Variants in PTPRU observed in about 807,000 individuals in gnomAD.
PTPRU encodes the protein receptor-type tyrosine-protein phosphatase U.
A neutral mutation model predicts 166.3 loss-of-function variants in PTPRU; 69 were observed. The observed-to-expected ratio is 0.41, with a 90% CI of 0.34 to 0.51. The LOEUF (loss-of-function observed/expected upper bound fraction) is 0.51. Among genes scored for constraint, PTPRU ranks in the 20% least tolerant of loss-of-function variants. The probability of loss-of-function intolerance (pLI) is 0.09; values close to 1 mark genes in which losing one functional copy is unlikely to be tolerated. For missense variants in PTPRU, 1,657 were observed against 2,013.7 expected (o/e 0.82, Z 3.39); for synonymous variants, 793 against 814.0 (o/e 0.97, Z 0.44).
Position 29,248,955 on chromosome 1 carries a change from A to T in PTPRU, c.74-6320A>T, listed in dbSNP as rs147932603. Among the ~76,000 whole-genome samples the T allele has an allele frequency of 1.2e-3, 178 of 152,260 alleles. 1 individual carries two copies. Among genetic ancestry groups the T allele is most frequent in the African/African-American group, 4.0e-3 (165 of 41,560 alleles). ...TCACGTGCACACTCACGCAACTGCA[A>T]CCGGTCATCTGACCTTAGCGGTCCC... On this transcript the variant is annotated intron_variant, in intron 1 of 29. Coordinates refer to ENST00000373779, the MANE Select transcript of PTPRU (RefSeq NM_133178.4).
At chr1:29,282,575 C>T in intron 11 of PTPRU, 101 bp from the exon 12 acceptor site, 1 of 1,444,128 alleles carries the variant, frequency 6.9e-7, no homozygotes, top group Admixed American at 2.2e-5. Flanking sequence ...AAGTTAGTCC[C>T]CAGGAGGGCT....
chr1:29,260,110 C>T lies in PTPRU; in HGVS notation c.850+66C>T. 2 of 734,180 alleles carry T rather than the reference C, an allele frequency of 2.7e-6. No individual in the cohort carries two copies. Among genetic ancestry groups the T allele is most frequent in the Non-Finnish European group, 3.6e-6 (2 of 562,424 alleles). The allele number at this position is 734,180 out of a possible 1,614,324, so 45.5% of individuals were successfully genotyped here. The stretch of plus-strand genomic sequence containing the variant: ...CGAGGGGCGGGGCCGGCGACGGGGG[C>T]GGGCTCTGCCCGGGGGCGTGGCCGT... On this transcript the variant is annotated intron_variant, in intron 6 of 29. Coordinates refer to ENST00000373779, the MANE Select transcript of PTPRU (RefSeq NM_133178.4). This position sits in a 1 kb window ranked among gnomAD's most constrained non-coding sequence, Gnocchi z 8.3.
chr1:29,255,395 A>G lies in PTPRU; in HGVS notation c.194A>G (p.Asp65Gly). Residue 65 changes from aspartate (D) to glycine (G), a missense_variant, in exon 2 of 30, where the codon GAC (aspartate) becomes GGC (glycine). Around this residue, in one of 3 missense-constraint regions of PTPRU, gnomAD observed 453 missense variants for 496.9 expected, o/e 0.91. Coordinates refer to ENST00000373779, the MANE Select transcript of PTPRU (RefSeq NM_133178.4). ...RIHPGTRAPA[D>G]LPHGSYLMVN... The stretch of plus-strand genomic sequence containing the variant: ...CACCCTGGCACCCGGGCACCTGCGG[A>G]CCTGCCCCACGGTAAGTCTACTCTC... 6.2e-7 allele frequency: 1 copy of G among 1,614,058 alleles called. No homozygotes were observed. Among genetic ancestry groups the G allele is most frequent in the Non-Finnish European group, 8.5e-7 (1 of 1,179,992 alleles).
At chr1:29,240,523 G>T (rs1000101692) in intron 1 of PTPRU, among the ~76,000 whole-genome samples, 2 of 152,142 alleles carry the variant, frequency 1.3e-5, no homozygotes, top group African/African-American at 4.8e-5. Context: ...CCAGGAATCT[G>T]GAAAATTCCT....
At chr1:29,246,707 CT>C (rs2151940250) in intron 1 of PTPRU, among the ~76,000 whole-genome samples, 1 of 152,228 alleles carries the variant, frequency 6.6e-6, no homozygotes, top group Non-Finnish European at 1.5e-5. Context: ...CCTCCGCCCC[CT>C]GGGTTCAAGT....
intron 7 of PTPRU, among the ~76,000 whole-genome samples, chr1:29,274,848 C>T (rs578108511): frequency 1.3e-5 from 2 of 151,920 alleles, no homozygotes; most frequent in Non-Finnish European, 2.9e-5. Flanking sequence ...GTCAGGAGTT[C>T]AAGACCAGCC....
chr1:29,250,345 T>C lies in PTPRU; in HGVS notation c.74-4930T>C, dbSNP rs74065295. 5.4e-3 allele frequency among the ~76,000 whole-genome samples: 818 copies of C among 152,274 alleles called. 6 individuals are homozygous for C. The highest frequency in any genetic ancestry group is 0.018 in the African/African-American group (759 of 41,538). ...GTGAATGAAGCTGAATTAACACTTATGGCCAGCAGAAGGGCAGGCTTTGTT... is the reference window on the plus strand; with the variant it reads ...GTGAATGAAGCTGAATTAACACTTACGGCCAGCAGAAGGGCAGGCTTTGTT... On this transcript the variant is annotated intron_variant, in intron 1 of 29. Coordinates refer to ENST00000373779, the MANE Select transcript of PTPRU (RefSeq NM_133178.4).
Position 29,279,537 on chromosome 1 carries a change from G to A in PTPRU, c.1645G>A (p.Glu549Lys). The part of the protein sequence containing the change: ...PRRTISKLRN[E>K]TYHVFSNLHP... Reference sequence around the variant, plus strand: ...ACGTACCATCTCCAAGCTCCGCAATGAGACCTACCATGTCTTCTCCAACCT... The same window carrying A: ...ACGTACCATCTCCAAGCTCCGCAATAAGACCTACCATGTCTTCTCCAACCT... Residue 549 changes from glutamate (E) to lysine (K), a missense_variant, in exon 10 of 30, where the codon GAG (glutamate) becomes AAG (lysine). Physicochemically the swap from Glu to Lys is moderately conservative, Grantham distance 56. Around this residue, in one of 3 missense-constraint regions of PTPRU, gnomAD observed 1,190 missense variants for 1,477.4 expected, o/e 0.81. Transcript: ENST00000373779. The surrounding 1 kb of genome is among the most constrained non-coding windows in gnomAD (Gnocchi z 5.2). The A allele has an allele frequency of 6.2e-7, 1 of 1,614,172 alleles. No homozygotes were observed. The highest frequency in any genetic ancestry group is 8.5e-7 in the Non-Finnish European group (1 of 1,180,012).
intron 7 of PTPRU, among the ~76,000 whole-genome samples, chr1:29,268,059 C>T (rs1685382393): frequency 6.6e-6 from 1 of 152,244 alleles, no homozygotes; most frequent in Non-Finnish European, 1.5e-5. Flanking sequence ...AATGATGGAG[C>T]TGTCATTTCC....
In PTPRU at chr1:29,280,062, A is replaced by C; in HGVS notation, c.1789A>C (p.Met597Leu). The C allele has an allele frequency of 1.9e-6, 3 of 1,613,760 alleles. No homozygotes were observed. The highest frequency in any genetic ancestry group is 2.5e-6 in the Non-Finnish European group (3 of 1,179,950). The change falls in exon 11 of 30, where the codon ATG becomes CTG. Residue 597 changes from methionine (M) to leucine (L), a missense_variant. By Grantham distance (15) the Met-to-Leu change is conservative. This residue lies in a region of PTPRU where 1,190 missense variants were observed against 1,477.4 expected (regional missense o/e 0.81). Transcript: ENST00000373779. The surrounding 1 kb of genome is among the most constrained non-coding windows in gnomAD (Gnocchi z 4.2). ...ISAPSFDYAD[M>L]PSPLGESENT... ...AGCTCCCAGCTTTGATTATGCCGAC[A>C]TGCCGTCACCCCTGGGCGAGTCTGA...
intron 1 of PTPRU, among the ~76,000 whole-genome samples, chr1:29,240,277 T>C (rs898261101): frequency 1.3e-5 from 2 of 152,140 alleles, no homozygotes; most frequent in Non-Finnish European, 2.9e-5. Context: ...GTAATTATTG[T>C]AATTACAGTT....
chr1:29,290,448 C>T (rs964305862), intron 14 of PTPRU, among the ~76,000 whole-genome samples: 1 of 152,224 alleles, frequency 6.6e-6, no homozygotes, highest in African/African-American at 2.4e-5. Context: ...ACTCCACAGC[C>T]TGCCGATGCT....
At chr1:29,277,698 T>G (rs1685866050) in intron 8 of PTPRU, among the ~76,000 whole-genome samples, 1 of 151,888 alleles carries the variant, frequency 6.6e-6, no homozygotes, top group Admixed American at 6.6e-5. Flanking sequence ...CCCTATGTGG[T>G]AGGTTACTAT....
chr1:29,317,764 C>T lies in PTPRU; in HGVS notation c.3530C>T (p.Thr1177Ile). The T allele has an allele frequency of 1.2e-6, 2 of 1,610,006 alleles. No individual in the cohort carries two copies. Among genetic ancestry groups the T allele is most frequent in the Non-Finnish European group, 1.7e-6 (2 of 1,179,746 alleles). The change falls in exon 25 of 30, where the codon ACC (threonine) becomes ATC (isoleucine). Residue 1177 changes from threonine to isoleucine, a missense_variant. Thr to Ile is a moderately conservative substitution (Grantham distance 89). Around this residue, in one of 3 missense-constraint regions of PTPRU, gnomAD observed 1,190 missense variants for 1,477.4 expected, o/e 0.81. Transcript: ENST00000373779. This position sits in a 1 kb window ranked among gnomAD's most constrained non-coding sequence, Gnocchi z 5.6. ...REEFQTLNSVTPPLDVEECSI... is the reference protein window; with the variant it reads ...REEFQTLNSVIPPLDVEECSI... ...TCCCTGTAGACGCTGAACTCGGTCA[C>T]CCCGCCGCTGGACGTGGAGGAGTGC...
rs1258373582 is a variant in PTPRU at position 29,274,879 on chromosome 1, A to G, written c.1145-569A>G. 2.6e-5 allele frequency among the ~76,000 whole-genome samples: 4 copies of G among 151,836 alleles called. No homozygotes were observed. In the East Asian group the frequency reaches 7.8e-4, roughly 29 times the overall value. On this transcript the variant is annotated intron_variant, in intron 7 of 29. Transcript: ENST00000373779. The stretch of plus-strand genomic sequence containing the variant: ...CAGCCTGGCCAACATGTGAAACGCT[A>G]TCTCTACCAAAAATACAAAAATTAG...
Position 29,311,316 on chromosome 1 carries a change from G to T in PTPRU, c.2858-140G>T. The T allele has an allele frequency of 1.4e-6, 1 of 733,090 alleles. No homozygotes were observed. The highest frequency in any genetic ancestry group is 2.3e-6 in the Non-Finnish European group (1 of 444,114). 45.4% of individuals were successfully genotyped at this position (733,090 alleles called of 1,614,324 possible). A position where few individuals can be genotyped will look rare whatever the true frequency, so the allele number is the denominator to read the frequency against. ...ACAGGCATGCGTCAGCTGCAAGCTGGGTGTTGTGGGCAGCATGAAGCCCCC... is the reference window on the plus strand; with the variant it reads ...ACAGGCATGCGTCAGCTGCAAGCTGTGTGTTGTGGGCAGCATGAAGCCCCC... On this transcript the variant is annotated intron_variant, in intron 19 of 29. Coordinates refer to ENST00000373779, the MANE Select transcript of PTPRU (RefSeq NM_133178.4). This position sits in a 1 kb window ranked among gnomAD's most constrained non-coding sequence, Gnocchi z 4.1.
At position 29,303,869 on chromosome 1, in the gene PTPRU, G is replaced by A. The variant is rs147675664; in HGVS notation, c.2491G>A (p.Gly831Ser). 109 of 1,610,718 alleles carry A rather than the reference G, an allele frequency of 6.8e-5. 1 individual carries two copies. The highest frequency in any genetic ancestry group is 4.3e-4 in the South Asian group (39 of 90,950). ...TCTGACTGCAGGAGACCAGCGCAGC[G>A]GTGGGGTCACTGAGGCCAGCAGCCT... ...GYSTRGDQRS[G>S]GVTEASSLLG... The change falls in exon 16 of 30, where the codon GGT becomes AGT. Residue 831 changes from glycine (G) to serine (S), a missense_variant. Gly to Ser is a moderately conservative substitution (Grantham distance 56, BLOSUM62 0). Transcript: ENST00000373779.
At chr1:29,316,287 G>T in intron 24 of PTPRU, 136 bp downstream of exon 24, 1 of 1,091,806 alleles carries the variant, frequency 9.2e-7, no homozygotes, top group Admixed American at 2.6e-5. Context: ...GGACAGAGCT[G>T]AGCTACCAGG....
rs1486215476 is a variant in PTPRU at position 29,315,803 on chromosome 1, TA to T, written c.3364-198del. Among the ~76,000 whole-genome samples the T allele has an allele frequency of 5.3e-5, 8 of 152,262 alleles. No individual in the cohort carries two copies. The highest frequency in any genetic ancestry group is 1.9e-4 in the African/African-American group (8 of 41,554). On this transcript the variant is annotated intron_variant, in intron 23 of 29. Coordinates refer to ENST00000373779, the MANE Select transcript of PTPRU (RefSeq NM_133178.4). The surrounding 1 kb of genome is among the most constrained non-coding windows in gnomAD (Gnocchi z 4.5). ...TCTCAGAGCACTCACAGAGTTGTTA[TA>T]GGGGGTAGGGATGAAATAGGAGATA...
Sources: allele counts gnomAD v4.1 joint callset (sites outside exome capture counted in the v4.1 genomes callset), GRCh38; gene constraint gnomAD v4.1.1; regional missense constraint gnomAD v4.1.1; non-coding constraint Gnocchi (gnomAD v3.1); transcripts MANE v1.5; gene names NCBI Gene and HGNC (gene_info 2026-07-23, HGNC 2026-07-21).